The following IFI16 variants were observed in gnomAD, a reference collection of about 807,000 sequenced individuals.
IFI16 encodes the protein gamma-interferon-inducible protein 16.
Under a neutral mutation model 68.4 loss-of-function variants are expected in IFI16, and 49 were observed. The observed-to-expected ratio is 0.72, with a 90% confidence interval of 0.57 to 0.91. IFI16 has a LOEUF of 0.91. Among genes scored for constraint, IFI16 ranks in the 40% least tolerant of loss-of-function variants. IFI16 has a pLI of 0.00. For missense variants in IFI16, 878 were observed against 942.9 expected (o/e 0.93, Z 0.90); for synonymous variants, 307 against 315.0 (o/e 0.97, Z 0.27).
intron 7 of IFI16, among the ~76,000 whole-genome samples, chr1:159,043,043 T>C (rs1432653683): frequency 2.6e-5 from 4 of 152,238 alleles, no homozygotes; most frequent in African/African-American, 9.6e-5. Context: ...GTTGCAGACC[T>C]GAGCACCATC....
chr1:159,002,405 C>T (rs529537058), upstream of IFI16, among the ~76,000 whole-genome samples: 9 of 152,238 alleles, frequency 5.9e-5, no homozygotes, highest in African/African-American at 2.2e-4. Flanking sequence ...GAAGCATTAG[C>T]AATTATTTTC....
Position 159,016,720 on chromosome 1 carries a change from AT to A in IFI16, c.549+24del. ...ACTGAGGTACACTCTTCCTGGTCCC[AT>A]TTTGCTTTGTTTTTTTCAACCCAAA... is the stretch of plus-strand genomic sequence containing the variant. On this transcript the variant is annotated intron_variant, in intron 4 of 11. Coordinates refer to ENST00000295809, the MANE Select transcript of IFI16 (RefSeq NM_001376587.1). 6.3e-7 allele frequency: 1 copy of A among 1,592,266 alleles called. No individual in the cohort carries two copies.
intron 6 of IFI16, among the ~76,000 whole-genome samples, chr1:159,025,742 T>G (rs1390462819): frequency 6.6e-6 from 1 of 152,252 alleles, no homozygotes; most frequent in Non-Finnish European, 1.5e-5. Flanking sequence ...CTGAAGTCTC[T>G]GCCTAAGCCA....
upstream of IFI16, among the ~76,000 whole-genome samples, chr1:159,001,041 C>T (rs1243909457): frequency 6.6e-6 from 1 of 152,102 alleles, no homozygotes; most frequent in Non-Finnish European, 1.5e-5. Context: ...AATTTGATTG[C>T]ATGTAAACTC....
chr1:159,020,679 T>C (rs1301839906), intron 6 of IFI16, 150 bp downstream of exon 6: 1 of 513,960 alleles, frequency 1.9e-6, no homozygotes. Context: ...TTTACTTTTT[T>C]TAATTTTTTT....
chr1:159,049,672 C>T (rs1376631126), intron 9 of IFI16, 73 bp downstream of exon 9: 22 of 1,585,648 alleles, frequency 1.4e-5, no homozygotes, highest in Non-Finnish European at 1.9e-5. Context: ...ACCGTGAAAG[C>T]ACCTCACCAA....
intron 6 of IFI16, among the ~76,000 whole-genome samples, chr1:159,028,560 A>C (rs764456899): frequency 6.6e-6 from 1 of 152,084 alleles, no homozygotes; most frequent in Non-Finnish European, 1.5e-5. Flanking sequence ...AAGTCCAAAA[A>C]TTTTTGTTTG....
At position 159,023,115 on chromosome 1, in the gene IFI16, A is replaced by C. The variant is rs192576031; in HGVS notation, c.1161+2586A>C. 5.3e-5 allele frequency among the ~76,000 whole-genome samples: 8 copies of C among 150,574 alleles called. No homozygotes were observed. In the East Asian group the frequency reaches 1.5e-3, roughly 29 times the overall value. On this transcript the variant is annotated intron_variant, in intron 6 of 11. Transcript: ENST00000295809. Reference sequence around the variant, plus strand: ...GCAAACGAGGTGAGAATTGAAGTTAAATTTTTTTTTTATCCGCTGAACCAA... The same window carrying C: ...GCAAACGAGGTGAGAATTGAAGTTACATTTTTTTTTTATCCGCTGAACCAA...
intron 4 of IFI16, among the ~76,000 whole-genome samples, chr1:159,017,897 C>T (rs1402528227): frequency 2.6e-5 from 4 of 152,198 alleles, no homozygotes; most frequent in African/African-American, 7.2e-5. Context: ...TGTGAGCCAC[C>T]GCGCCTGGCC....
chr1:159,029,491 C>G (rs1222744855), intron 6 of IFI16, among the ~76,000 whole-genome samples: 1 of 152,092 alleles, frequency 6.6e-6, no homozygotes, highest in East Asian at 1.9e-4. Context: ...CCAGGGTGTT[C>G]CCCGGGTGTT....
At chr1:159,038,558 G>A (rs1184415878) in intron 7 of IFI16, among the ~76,000 whole-genome samples, 1 of 152,086 alleles carries the variant, frequency 6.6e-6, no homozygotes, top group African/African-American at 2.4e-5. Context: ...GTAGAGATGA[G>A]GTCTCGCTAT....
At chr1:159,007,465 A>G (rs893114187), upstream of IFI16, among the ~76,000 whole-genome samples, 1 of 152,240 alleles carries the variant, frequency 6.6e-6, no homozygotes, top group Non-Finnish European at 1.5e-5. Flanking sequence ...ATTCAAGTGC[A>G]TGGGCTTTGG....
intron 6 of IFI16, among the ~76,000 whole-genome samples, chr1:159,030,873 G>GGGT (rs1238097657): frequency 1.7e-4 from 3 of 17,236 alleles, no homozygotes; most frequent in African/African-American, 3.7e-4. Flanking sequence ...CTCAGGTGGT[G>GGGT]GGTGGGGGGG....
upstream of IFI16, among the ~76,000 whole-genome samples, chr1:159,009,728 AT>A (rs1460445069): frequency 1.3e-5 from 2 of 152,188 alleles, no homozygotes; most frequent in East Asian, 3.8e-4. Context: ...GAAGTCAGAG[AT>A]TTCAGTGTGC....
rs371196311 is a variant in IFI16 at position 159,052,081 on chromosome 1, G to A, written c.2068G>A (p.Val690Met). 559 of 1,611,560 alleles carry A rather than the reference G, an allele frequency of 3.5e-4. 2 individuals carry two copies. The highest frequency in any genetic ancestry group is 4.1e-4 in the Non-Finnish European group (486 of 1,179,540). Residue 690 changes from valine to methionine, a missense_variant, in exon 10 of 12, where the codon GTG becomes ATG. Transcript: ENST00000295809. ...AACTAAAGGAAGTTTTGTGAATGGG[G>A]TGTTTGAGGTACATAAGGTAAGCCC... ...SQTKGSFVNG[V>M]FEVHKKNVRG...
At chr1:159,009,561 C>G (rs991066617), upstream of IFI16, among the ~76,000 whole-genome samples, 2 of 152,152 alleles carry the variant, frequency 1.3e-5, no homozygotes, top group Non-Finnish European at 2.9e-5. Context: ...GAATATAAGT[C>G]TCTAATGACT....
Position 159,053,695 on chromosome 1 carries a change from T to C in IFI16, c.2248T>C (p.Leu750=), listed in dbSNP as rs1489540699. ...ACCGAAAAGTGGGAATACCGGGGAG[T>C]TGAGATCTGTAATTCATAGTCACAT... ...LAPKSGNTGE[L]RSVIHSHIKV... is the part of the protein sequence containing the mutation. Residue 750 remains leucine (L), a synonymous_variant, in exon 11 of 12, where the codon TTG becomes CTG. Coordinates refer to ENST00000295809, the MANE Select transcript of IFI16 (RefSeq NM_001376587.1). 2.5e-6 allele frequency: 4 copies of C among 1,613,516 alleles called. No individual in the cohort carries two copies. Among genetic ancestry groups the C allele is most frequent in the Middle Eastern group, 1.7e-4 (1 of 6,060 alleles).
chr1:159,006,727 G>T (rs975698706), upstream of IFI16, among the ~76,000 whole-genome samples: 2 of 152,162 alleles, frequency 1.3e-5, no homozygotes, highest in African/African-American at 4.8e-5. Context: ...TAAAAACAAG[G>T]TTAGGCATTT....
chr1:159,035,125 A>C (rs1366770095), intron 7 of IFI16, among the ~76,000 whole-genome samples: 1 of 152,220 alleles, frequency 6.6e-6, no homozygotes, highest in Non-Finnish European at 1.5e-5. Context: ...ACATCCTGGA[A>C]GAGAAGCTTC....
Sources: allele counts gnomAD v4.1 joint callset (sites outside exome capture counted in the v4.1 genomes callset), GRCh38; gene constraint gnomAD v4.1.1; transcripts MANE v1.5; gene names NCBI Gene and HGNC (gene_info 2026-07-23, HGNC 2026-07-21).